The following GPHN variants were observed in gnomAD, a reference collection of about 807,000 sequenced individuals.
GPHN encodes gephyrin.
Under a neutral mutation model 95.5 loss-of-function variants are expected in GPHN, and 17 were observed. That is an observed-to-expected ratio of 0.18 (90% CI 0.12 to 0.27). GPHN has a LOEUF of 0.27. Ranked by LOEUF, GPHN falls within the 10% of genes least tolerant of loss-of-function variation. The pLI is 1.00. For missense variants in GPHN, 660 were observed against 978.1 expected (o/e 0.67, Z 4.34); for synonymous variants, 320 against 322.5 (o/e 0.99, Z 0.08).
intron 2 of GPHN, among the ~76,000 whole-genome samples, chr14:66,716,441 C>T (rs899244812): frequency 7.5e-6 from 1 of 133,588 alleles, no homozygotes; most frequent in Non-Finnish European, 1.5e-5. Flanking sequence ...GAATTCTTAT[C>T]CATTCTGCAG....
chr14:67,305,774 T>TTAAG, the GPHN span, among the ~76,000 whole-genome samples: 1 of 152,218 alleles, frequency 6.6e-6, no homozygotes, highest in Non-Finnish European at 1.5e-5. Context: ...ATGAAATAAC[T>TTAAG]TACTTATCCT....
the GPHN span, chr14:67,352,799 A>T: frequency 1.5e-6 from 1 of 661,942 alleles, no homozygotes; most frequent in Non-Finnish European, 2.6e-6. Context: ...TGTTAAACTT[A>T]TAATGGTATT....
At chr14:66,760,717 A>C in intron 2 of GPHN, 1 of 462,468 alleles carries the variant, frequency 2.2e-6, no homozygotes, top group Non-Finnish European at 4.1e-6. Flanking sequence ...CTGGCAAAGC[A>C]CTTATAGTGG....
At chr14:67,245,891 A>C in the GPHN span, among the ~76,000 whole-genome samples, 2,695 of 152,072 alleles carry the variant, frequency 0.018, 35 homozygotes, top group Non-Finnish European at 0.027. Context: ...TTTATATTGT[A>C]ATTTTATTTT....
the GPHN span, among the ~76,000 whole-genome samples, chr14:67,693,797 T>C: frequency 6.6e-6 from 1 of 151,890 alleles, no homozygotes; most frequent in South Asian, 2.1e-4. Context: ...CCCTCACCCA[T>C]GCGCCACCAC....
rs1319551861 is a variant in GPHN at position 67,058,740 on chromosome 14, C to T, written c.1098C>T (p.Val366=). The T allele has an allele frequency of 6.2e-7, 1 of 1,613,484 alleles. No individual in the cohort carries two copies. Among genetic ancestry groups the T allele is most frequent in the Non-Finnish European group, 8.5e-7 (1 of 1,179,432 alleles). Residue 366 remains valine, a synonymous_variant, in exon 11 of 23, where the codon GTC becomes GTT. Transcript: ENST00000478722. ...CTATGGACAAAGCCTTTATCACAGT[C>T]CTGGAGATGACTCCGGTGCTTGGGA... ...LTSMDKAFIT[V]LEMTPVLGTE... is the part of the protein sequence containing the mutation.
chr14:66,646,414 G>T (rs911180249), intron 1 of GPHN, among the ~76,000 whole-genome samples: 18 of 152,016 alleles, frequency 1.2e-4, no homozygotes, highest in African/African-American at 4.1e-4. Flanking sequence ...ACAGTATAAT[G>T]GTTCCTCAAA....
the GPHN span, among the ~76,000 whole-genome samples, chr14:67,397,137 C>T: frequency 6.6e-6 from 1 of 152,110 alleles, no homozygotes; most frequent in African/African-American, 2.4e-5. Flanking sequence ...TGGGGTTTCA[C>T]CATGTTGGCC....
At chr14:67,305,968 A>G in the GPHN span, among the ~76,000 whole-genome samples, 8 of 152,240 alleles carry the variant, frequency 5.3e-5, no homozygotes, top group South Asian at 8.3e-4. Context: ...TCCCTTTTAA[A>G]ATGGAGCTTT....
chr14:67,560,407 G>A, the GPHN span, among the ~76,000 whole-genome samples: 1 of 152,300 alleles, frequency 6.6e-6, no homozygotes, highest in Admixed American at 6.5e-5. Flanking sequence ...CCATTTAAGT[G>A]TACAATTCAG....
the GPHN span, among the ~76,000 whole-genome samples, chr14:67,508,552 C>T: frequency 2.6e-5 from 4 of 151,808 alleles, no homozygotes; most frequent in Non-Finnish European, 5.9e-5. Context: ...CTTGGACCAC[C>T]ACCTTAACCC....
chr14:67,000,041 T>C (rs1346752229), intron 9 of GPHN, among the ~76,000 whole-genome samples: 1 of 151,870 alleles, frequency 6.6e-6, no homozygotes, highest in African/African-American at 2.4e-5. Context: ...ATTTATTTCC[T>C]GTTGACTAGA....
At chr14:67,618,581 A>C in the GPHN span, among the ~76,000 whole-genome samples, 1 of 151,364 alleles carries the variant, frequency 6.6e-6, no homozygotes, top group Non-Finnish European at 1.5e-5. Flanking sequence ...GCGTCTCACT[A>C]TGCTGCCCAG....
At chr14:67,660,130 C>CA in the GPHN span, 57 of 510,604 alleles carry the variant, frequency 1.1e-4, 1 homozygote, top group African/African-American at 1.0e-3. Context: ...AGCAGGCATT[C>CA]GAGTATATGA....
chr14:66,614,578 C>CTTTT (rs58001259), intron 1 of GPHN, among the ~76,000 whole-genome samples: 5 of 138,058 alleles, frequency 3.6e-5, no homozygotes, highest in Non-Finnish European at 6.3e-5. Context: ...AAAACTTTAG[C>CTTTT]TTTTTTTTTT....
the GPHN span, among the ~76,000 whole-genome samples, chr14:67,246,810 C>T: frequency 6.6e-6 from 1 of 152,114 alleles, no homozygotes; most frequent in Non-Finnish European, 1.5e-5. Context: ...CACCACCACG[C>T]CCAGCTAATT....
At chr14:66,538,647 A>G (rs991820261) in intron 1 of GPHN, among the ~76,000 whole-genome samples, 11 of 150,966 alleles carry the variant, frequency 7.3e-5, no homozygotes, top group Non-Finnish European at 1.3e-4. Context: ...CCTTTTATAA[A>G]TTTTATTCAT....
At chr14:66,958,380 AT>A (rs1239617203) in intron 8 of GPHN, among the ~76,000 whole-genome samples, 1 of 152,108 alleles carries the variant, frequency 6.6e-6, no homozygotes, top group Non-Finnish European at 1.5e-5. Flanking sequence ...TTTGGATCTA[AT>A]TTGAATCTCT....
chr14:67,085,243 A>T (rs1056775130), intron 11 of GPHN, among the ~76,000 whole-genome samples: 1 of 152,240 alleles, frequency 6.6e-6, no homozygotes, highest in Non-Finnish European at 1.5e-5. Flanking sequence ...TATTGAGTAG[A>T]TTCTATACCA....
Sources: gnomAD v4.1 joint callset for allele counts (sites outside exome capture counted in the v4.1 genomes callset) on GRCh38, gnomAD v4.1.1 for gene constraint, MANE v1.5 for transcripts, NCBI Gene and HGNC (gene_info 2026-07-23, HGNC 2026-07-21) for gene names.